The following POFUT3 variants were observed in gnomAD, a reference collection of about 807,000 sequenced individuals.
POFUT3 encodes protein O-fucosyltransferase 3, also known as GDP-fucose protein O-fucosyltransferase 3.
the POFUT3 span, chr8:33,436,421 G>C: frequency 6.9e-7 from 1 of 1,439,278 alleles, no homozygotes; most frequent in East Asian, 2.3e-5. Context: ...TTGGCTGGAA[G>C]CTCCTTATTG....
the POFUT3 span, among the ~76,000 whole-genome samples, chr8:33,405,866 G>A: frequency 6.6e-6 from 1 of 152,176 alleles, no homozygotes; most frequent in Non-Finnish European, 1.5e-5. Context: ...CAAAGTCCCA[G>A]TTTGTGATTT....
At chr8:33,355,149 T>A in the POFUT3 span, among the ~76,000 whole-genome samples, 1 of 152,184 alleles carries the variant, frequency 6.6e-6, no homozygotes, top group Non-Finnish European at 1.5e-5. Context: ...GAGTATCTTT[T>A]AAGGCTAACA....
the POFUT3 span, among the ~76,000 whole-genome samples, chr8:33,318,613 G>T: frequency 1.5e-4 from 11 of 71,762 alleles, no homozygotes; most frequent in South Asian, 2.0e-3. Context: ...TAAATATATT[G>T]TATATATATT....
At chr8:33,459,943 C>A in the POFUT3 span, among the ~76,000 whole-genome samples, 2 of 152,136 alleles carry the variant, frequency 1.3e-5, no homozygotes. Context: ...TGCCTATAAT[C>A]CCAGCACTTT....
At chr8:33,434,153 C>T in the POFUT3 span, among the ~76,000 whole-genome samples, 3 of 149,372 alleles carry the variant, frequency 2.0e-5, no homozygotes, top group Admixed American at 1.3e-4. Flanking sequence ...CCCAGCTACT[C>T]GGGAGGCTGA....
chr8:33,446,774 A>T, the POFUT3 span, among the ~76,000 whole-genome samples: 1 of 152,166 alleles, frequency 6.6e-6, no homozygotes, highest in African/African-American at 2.4e-5. Flanking sequence ...TGAATCTCCT[A>T]TGTAGGTCAA....
chr8:33,313,351 G>T, the POFUT3 span, among the ~76,000 whole-genome samples: 1 of 152,128 alleles, frequency 6.6e-6, no homozygotes, highest in Non-Finnish European at 1.5e-5. Flanking sequence ...TCTAGGATGT[G>T]TCATTCCTCA....
the POFUT3 span, among the ~76,000 whole-genome samples, chr8:33,472,560 C>G: frequency 6.6e-6 from 1 of 152,238 alleles, no homozygotes; most frequent in African/African-American, 2.4e-5. Flanking sequence ...TTCTCTGCAA[C>G]TAGAAAGTCA....
At chr8:33,461,477 A>C in the POFUT3 span, 1 of 1,613,338 alleles carries the variant, frequency 6.2e-7, no homozygotes, top group Non-Finnish European at 8.5e-7. Context: ...GGTGACTGAC[A>C]GAGGGCTAAC....
the POFUT3 span, among the ~76,000 whole-genome samples, chr8:33,324,429 G>A: frequency 1.3e-5 from 2 of 152,068 alleles, no homozygotes; most frequent in African/African-American, 2.4e-5. Flanking sequence ...ATTTGTACAT[G>A]TAAGATAATC....
At chr8:33,456,383 A>G in the POFUT3 span, among the ~76,000 whole-genome samples, 3 of 151,924 alleles carry the variant, frequency 2.0e-5, no homozygotes, top group Non-Finnish European at 4.4e-5. Flanking sequence ...TTTGAGACAG[A>G]GTCTCTCTCT....
At chr8:33,414,935 T>A in the POFUT3 span, among the ~76,000 whole-genome samples, 4 of 136,192 alleles carry the variant, frequency 2.9e-5, no homozygotes, top group East Asian at 8.7e-4. Flanking sequence ...TCTTCCCCCA[T>A]CACCAAACCC....
At chr8:33,385,272 G>A in the POFUT3 span, among the ~76,000 whole-genome samples, 1 of 152,130 alleles carries the variant, frequency 6.6e-6, no homozygotes, top group South Asian at 2.1e-4. Context: ...TTTCCATTAG[G>A]GGCACAGGAA....
the POFUT3 span, among the ~76,000 whole-genome samples, chr8:33,410,183 C>T: frequency 2.0e-5 from 3 of 152,140 alleles, no homozygotes; most frequent in African/African-American, 4.8e-5. Context: ...AGGGAATAGG[C>T]TCCCAGGATG....
At chr8:33,334,550 C>T in the POFUT3 span, among the ~76,000 whole-genome samples, 15 of 152,214 alleles carry the variant, frequency 9.9e-5, no homozygotes, top group East Asian at 2.1e-3. Context: ...TACACTGGTC[C>T]GGGACACGGT....
At chr8:33,326,918 A>T in the POFUT3 span, among the ~76,000 whole-genome samples, 3 of 152,178 alleles carry the variant, frequency 2.0e-5, no homozygotes, top group Non-Finnish European at 4.4e-5. Context: ...TGGGACTACA[A>T]AAGCATGGCC....
the POFUT3 span, among the ~76,000 whole-genome samples, chr8:33,454,307 C>T: frequency 6.6e-6 from 1 of 152,208 alleles, no homozygotes; most frequent in African/African-American, 2.4e-5. Flanking sequence ...CCATTCTTGA[C>T]TCATGGCCTC....
chr8:33,399,056 C>A, the POFUT3 span, among the ~76,000 whole-genome samples: 2,432 of 151,906 alleles, frequency 0.016, 61 homozygotes, highest in African/African-American at 0.056. Context: ...GTTGTTGTTT[C>A]TATCTTATTT....
At chr8:33,443,018 T>TG in the POFUT3 span, among the ~76,000 whole-genome samples, 1 of 151,914 alleles carries the variant, frequency 6.6e-6, no homozygotes, top group Non-Finnish European at 1.5e-5. Context: ...GAGGCTGAGA[T>TG]GGGGGGATCA....
Sources: allele counts gnomAD v4.1 joint callset (sites outside exome capture counted in the v4.1 genomes callset), GRCh38; gene constraint gnomAD v4.1.1; transcripts MANE v1.5; gene names NCBI Gene and HGNC (gene_info 2026-07-23, HGNC 2026-07-21).